The following TENM1 variants were observed in gnomAD, a reference collection of about 807,000 sequenced individuals.
The protein encoded by TENM1 is teneurin transmembrane protein 1, also known as teneurin-1.
In TENM1, 35 loss-of-function variants were observed where a neutral mutation model predicts 174.8. The ratio of observed to expected loss-of-function variants is 0.20; its 90% confidence interval spans 0.15 to 0.27. The LOEUF (loss-of-function observed/expected upper bound fraction) is 0.27. TENM1 is among the 10% of genes least tolerant of loss of function. The pLI, the probability that TENM1 is intolerant of heterozygous loss-of-function variation, is 1.00. For synonymous variants in TENM1, 781 were observed against 798.7 expected (o/e 0.98, Z 0.37); for missense variants, 1,633 against 2,130.1 (o/e 0.77, Z 4.59).
the TENM1 span, among the ~76,000 whole-genome samples, chrX:125,047,314 T>C: frequency 1.5e-4 from 17 of 111,552 alleles, no homozygotes; most frequent in African/African-American, 4.2e-4. Context: ...TAGCACAGAG[T>C]TGACAAGCTG....
At chrX:125,088,231 A>T in the TENM1 span, among the ~76,000 whole-genome samples, 2 of 111,670 alleles carry the variant, frequency 1.8e-5, no homozygotes, top group Non-Finnish European at 3.8e-5. Context: ...TATTTCATAA[A>T]ACACCTAATC....
chrX:124,522,600 A>T, intron 17 of TENM1, among the ~76,000 whole-genome samples: 1 of 110,427 alleles, frequency 9.1e-6, no homozygotes, highest in Middle Eastern at 4.7e-3. Flanking sequence ...AACTACATTT[A>T]CTTTACACAG....
At chrX:124,510,775 T>TACACACACAC (rs755205162) in intron 18 of TENM1, among the ~76,000 whole-genome samples, 5 of 103,565 alleles carry the variant, frequency 4.8e-5, no homozygotes, top group East Asian at 3.1e-4. Context: ...CATGGGGAGA[T>TACACACACAC]ACACACACAC....
the TENM1 span, among the ~76,000 whole-genome samples, chrX:125,109,058 T>C: frequency 2.7e-5 from 3 of 111,348 alleles, no homozygotes; most frequent in Non-Finnish European, 5.6e-5. Context: ...TTTCCATTAC[T>C]TGGTGTGCTT....
At chrX:124,874,824 T>C (rs1455109425) in intron 3 of TENM1, among the ~76,000 whole-genome samples, 3 of 111,386 alleles carry the variant, frequency 2.7e-5, no homozygotes, top group East Asian at 5.6e-4. Context: ...TGAAAGGTCA[T>C]CTTTATCATA....
the TENM1 span, among the ~76,000 whole-genome samples, chrX:125,000,899 A>C: frequency 9.0e-6 from 1 of 111,164 alleles, no homozygotes; most frequent in Non-Finnish European, 1.9e-5. Context: ...AATACAATTT[A>C]CTTTGAATTG....
chrX:124,712,217 G>A (rs2053069793), intron 4 of TENM1, among the ~76,000 whole-genome samples: 1 of 111,627 alleles, frequency 9.0e-6, no homozygotes. Context: ...CTAGAAGTAG[G>A]ATTGCTGGAT....
At chrX:124,575,451 G>A (rs1233037415) in intron 11 of TENM1, among the ~76,000 whole-genome samples, 1 of 111,740 alleles carries the variant, frequency 8.9e-6, no homozygotes, top group Non-Finnish European at 1.9e-5. Context: ...CAACATACAA[G>A]CAGCATAACA....
rs374425058 is a variant in TENM1, at chrX:124,879,672, T to G, written c.535+14624A>C. Among the ~76,000 whole-genome samples the G allele has an allele frequency of 1.9e-4, 21 of 112,034 alleles. No individual in the cohort carries two copies. The South Asian group carries it at 4.8e-3, about 26-fold the overall frequency. ...GCTGGATCCTATAGTAGTTCTATTT[T>G]TAGTTTGTTGAGAAATCTCCATATT... On this transcript the variant is annotated intron_variant, in intron 3 of 31. Coordinates refer to ENST00000422452, the Ensembl canonical transcript of TENM1.
intron 23 of TENM1, among the ~76,000 whole-genome samples, chrX:124,425,181 T>C (rs917214333): frequency 1.8e-5 from 2 of 112,429 alleles, no homozygotes; most frequent in African/African-American, 6.5e-5. Context: ...GTCTTAGCTG[T>C]TGCAAATAGT....
the TENM1 span, among the ~76,000 whole-genome samples, chrX:125,008,679 C>A: frequency 8.9e-6 from 1 of 112,186 alleles, no homozygotes; most frequent in Non-Finnish European, 1.9e-5. Context: ...TCATAAGAAA[C>A]AGTCTCTCAG....
At chrX:124,736,890 T>G in intron 4 of TENM1, 67 bp downstream of exon 7, 1 of 1,131,253 alleles carries the variant, frequency 8.8e-7, no homozygotes, top group South Asian at 2.1e-5. Flanking sequence ...GAAATGAGTT[T>G]CTGCAATCAG....
chrX:125,006,138 C>G, the TENM1 span, among the ~76,000 whole-genome samples: 1 of 112,000 alleles, frequency 8.9e-6, no homozygotes, highest in Admixed American at 9.4e-5. Flanking sequence ...TCACTGCCAG[C>G]AGAGCAGTCT....
chrX:124,551,515 AACACAC>A (rs1179615685), intron 14 of TENM1, among the ~76,000 whole-genome samples: 1 of 95,894 alleles, frequency 1.0e-5, no homozygotes, highest in Non-Finnish European at 2.1e-5. Flanking sequence ...AAGTGTTCTT[AACACAC>A]ACACACCCAC....
At chrX:124,794,689 C>G (rs2055263909) in intron 3 of TENM1, among the ~76,000 whole-genome samples, 1 of 111,359 alleles carries the variant, frequency 9.0e-6, no homozygotes, top group Non-Finnish European at 1.9e-5. Context: ...CCACCCCTTG[C>G]TTAAACTCCT....
At chrX:124,720,896 A>C (rs1446537868) in intron 4 of TENM1, among the ~76,000 whole-genome samples, 2 of 111,567 alleles carry the variant, frequency 1.8e-5, no homozygotes, top group Admixed American at 9.6e-5. Context: ...ACTTAAATCT[A>C]TCTCACTTGT....
intron 20 of TENM1, among the ~76,000 whole-genome samples, chrX:124,489,651 T>C (rs1186003664): frequency 1.8e-5 from 2 of 111,935 alleles, no homozygotes; most frequent in African/African-American, 3.2e-5. Flanking sequence ...TAATGTACCA[T>C]CTATTCCTTT....
At chrX:124,560,172 A>AGAAAATAG (rs1406363386) in intron 14 of TENM1, among the ~76,000 whole-genome samples, 1 of 104,712 alleles carries the variant, frequency 9.6e-6, no homozygotes, top group Non-Finnish European at 1.9e-5. Flanking sequence ...CAGTCTCTTC[A>AGAAAATAG]GAAAATAGTC....
At chrX:124,625,724 G>C (rs771483999) in intron 11 of TENM1, among the ~76,000 whole-genome samples, 11 of 110,455 alleles carry the variant, frequency 1.0e-4, no homozygotes, top group Non-Finnish European at 1.9e-4. Flanking sequence ...AGAGAGGGAG[G>C]GGAGAAAGGC....
Sources: allele counts gnomAD v4.1 joint callset (sites outside exome capture counted in the v4.1 genomes callset), GRCh38; gene constraint gnomAD v4.1.1; transcripts MANE v1.5; gene names NCBI Gene and HGNC (gene_info 2026-07-23, HGNC 2026-07-21).